Variants in PRKN observed in about 807,000 individuals in gnomAD.
PRKN encodes the protein parkin RBR E3 ubiquitin protein ligase, also known as E3 ubiquitin-protein ligase parkin.
In PRKN, 56 loss-of-function variants were observed where a neutral mutation model predicts 59.5. That is an observed-to-expected ratio of 0.94 (90% CI 0.76 to 1.18). The LOEUF (loss-of-function observed/expected upper bound fraction) is 1.18, where lower values mean the gene tolerates loss of function less well. PRKN is among the 50% of genes most tolerant of loss of function. The pLI is 0.00. For synonymous variants in PRKN, 250 were observed against 222.1 expected (o/e 1.13, Z -1.12); for missense variants, 657 against 596.4 (o/e 1.10, Z -1.06).
At chr6:161,936,487 G>T (rs1347816569) in intron 6 of PRKN, among the ~76,000 whole-genome samples, 2 of 152,108 alleles carry the variant, frequency 1.3e-5, no homozygotes, top group African/African-American at 2.4e-5. Flanking sequence ...GGGATTACAG[G>T]CGTGAGTCAC....
chr6:162,038,248 C>T (rs1783923411), intron 5 of PRKN, among the ~76,000 whole-genome samples: 2 of 151,986 alleles, frequency 1.3e-5, no homozygotes, highest in African/African-American at 4.8e-5. Context: ...AATTTGAATA[C>T]ATGTTATTTG....
chr6:162,557,469 A>G (rs907362838), intron 1 of PRKN, among the ~76,000 whole-genome samples: 1 of 152,186 alleles, frequency 6.6e-6, no homozygotes, highest in African/African-American at 2.4e-5. Context: ...GGCGTTGACC[A>G]TAAAAGGCAC....
chr6:161,659,345 G>A (rs1784463729), intron 7 of PRKN, among the ~76,000 whole-genome samples: 1 of 152,152 alleles, frequency 6.6e-6, no homozygotes, highest in South Asian at 2.1e-4. Context: ...ACTCATTTGA[G>A]CCTTGCACAG....
In PRKN at chr6:161,525,880, T is replaced by A. The variant is rs925419378; in HGVS notation, c.1083+22974A>T. On this transcript the variant is annotated intron_variant, in intron 9 of 11. Coordinates refer to ENST00000366898, the MANE Select transcript of PRKN (RefSeq NM_004562.3). The surrounding 1 kb of genome is among the most constrained non-coding windows in gnomAD (Gnocchi z 4.7). ...AAGTAATTTTTGGAAAACAACCCAATAACTTAGATAATGTTATTAATATGG... is the reference window on the plus strand; with the variant it reads ...AAGTAATTTTTGGAAAACAACCCAAAAACTTAGATAATGTTATTAATATGG... Among the ~76,000 whole-genome samples, 1 of 152,154 alleles carries A rather than the reference T, an allele frequency of 6.6e-6. No individual in the cohort carries two copies. Among genetic ancestry groups the A allele is most frequent in the African/African-American group, 2.4e-5 (1 of 41,428 alleles).
intron 5 of PRKN, among the ~76,000 whole-genome samples, chr6:162,042,362 G>T (rs914069980): frequency 1.3e-5 from 2 of 151,974 alleles, no homozygotes; most frequent in African/African-American, 4.8e-5. Flanking sequence ...GCCAATCTCA[G>T]CCCACTGCAA....
At chr6:162,041,150 C>A (rs1398576462) in intron 5 of PRKN, among the ~76,000 whole-genome samples, 1 of 151,740 alleles carries the variant, frequency 6.6e-6, no homozygotes, top group Non-Finnish European at 1.5e-5. Flanking sequence ...GCACCACTGC[C>A]CTCCAGCCTA....
intron 7 of PRKN, among the ~76,000 whole-genome samples, chr6:161,678,688 C>T (rs945193174): frequency 6.6e-6 from 1 of 151,366 alleles, no homozygotes; most frequent in African/African-American, 2.4e-5. Context: ...CCTCAACCTC[C>T]CGAGTAGCTG....
At chr6:161,972,417 A>G (rs1252171222) in intron 6 of PRKN, among the ~76,000 whole-genome samples, 3 of 152,192 alleles carry the variant, frequency 2.0e-5, no homozygotes, top group Non-Finnish European at 2.9e-5. Context: ...AGAGTAAGGA[A>G]TTGTACTCTG....
Position 161,451,157 on chromosome 6 carries a change from C to G in PRKN, c.1084-64280G>C, listed in dbSNP as rs1789725191. 6.6e-6 allele frequency among the ~76,000 whole-genome samples: 1 copy of G among 152,034 alleles called. No homozygotes were observed. The highest frequency in any genetic ancestry group is 2.4e-5 in the African/African-American group (1 of 41,380). On this transcript the variant is annotated intron_variant, in intron 9 of 11. Coordinates refer to ENST00000366898, the MANE Select transcript of PRKN (RefSeq NM_004562.3). The surrounding 1 kb of genome is among the most constrained non-coding windows in gnomAD (Gnocchi z 5.9). ...GTTTCCATGTTATTTCTCTTAGGTC[C>G]CAGCACCGCAGAAAATCATCTTGAA...
intron 9 of PRKN, among the ~76,000 whole-genome samples, chr6:161,528,923 T>C (rs1779105383): frequency 6.6e-6 from 1 of 152,188 alleles, no homozygotes; most frequent in Non-Finnish European, 1.5e-5. Flanking sequence ...CCTCATACCG[T>C]GTACCAAGGG....
intron 8 of PRKN, among the ~76,000 whole-genome samples, chr6:161,567,835 C>T (rs1435963578): frequency 1.3e-5 from 2 of 152,130 alleles, no homozygotes; most frequent in Non-Finnish European, 2.9e-5. Context: ...GAGAAGACTC[C>T]ATTATCTGAG....
At chr6:162,715,588 A>G (rs1778691445) in intron 1 of PRKN, among the ~76,000 whole-genome samples, 1 of 152,184 alleles carries the variant, frequency 6.6e-6, no homozygotes, top group African/African-American at 2.4e-5. Context: ...TATATTTCAA[A>G]TTTGAATTCA....
chr6:162,705,177 C>T (rs1584085247), intron 1 of PRKN, among the ~76,000 whole-genome samples: 1 of 152,148 alleles, frequency 6.6e-6, no homozygotes, highest in African/African-American at 2.4e-5. Flanking sequence ...ATGTGTCAGA[C>T]AGACACAAAT....
At chr6:162,548,347 G>A (rs547083057) in intron 1 of PRKN, among the ~76,000 whole-genome samples, 101 of 152,100 alleles carry the variant, frequency 6.6e-4, no homozygotes, top group Non-Finnish European at 1.2e-3. Flanking sequence ...GTGAGCCACC[G>A]TGCCTGGTCC....
chr6:162,142,794 C>G (rs539429735), intron 4 of PRKN, among the ~76,000 whole-genome samples: 1 of 152,152 alleles, frequency 6.6e-6, no homozygotes, highest in South Asian at 2.1e-4. Flanking sequence ...CCGCTAACAA[C>G]CATGTTTGAG....
At chr6:161,752,186 G>A (rs969541276) in intron 7 of PRKN, among the ~76,000 whole-genome samples, 5 of 151,912 alleles carry the variant, frequency 3.3e-5, no homozygotes, top group South Asian at 2.1e-4. Context: ...CCTGGCCAAC[G>A]TGGTGAAACC....
intron 2 of PRKN, among the ~76,000 whole-genome samples, chr6:162,267,821 A>G (rs981988410): frequency 6.6e-6 from 1 of 152,128 alleles, no homozygotes; most frequent in African/African-American, 2.4e-5. Context: ...TTTTTGCCAA[A>G]CAATGATCAA....
chr6:161,880,639 T>TC, intron 6 of PRKN, among the ~76,000 whole-genome samples: 1 of 152,252 alleles, frequency 6.6e-6, no homozygotes, highest in East Asian at 1.9e-4. Flanking sequence ...TGGCTTGGTC[T>TC]CCACCGGCCA....
intron 6 of PRKN, among the ~76,000 whole-genome samples, chr6:161,971,979 A>G (rs1780829120): frequency 6.6e-6 from 1 of 152,186 alleles, no homozygotes; most frequent in African/African-American, 2.4e-5. Flanking sequence ...ATTTCATTAA[A>G]AAGTTCTTTC....
Sources: allele counts gnomAD v4.1 joint callset (sites outside exome capture counted in the v4.1 genomes callset), GRCh38; gene constraint gnomAD v4.1.1; non-coding constraint Gnocchi (gnomAD v3.1); transcripts MANE v1.5; gene names NCBI Gene and HGNC (gene_info 2026-07-23, HGNC 2026-07-21).